MTX2: variants seen among roughly 807,000 people sequenced by gnomAD.
MTX2 encodes the protein metaxin 2.
In MTX2, 35 loss-of-function variants were observed where a neutral mutation model predicts 42.3. The observed-to-expected ratio is 0.83, with a 90% CI of 0.63 to 1.10. The LOEUF is 1.10. MTX2 is among the 50% of genes least tolerant of loss of function. MTX2 has a pLI of 0.00. For synonymous variants in MTX2, 119 were observed against 100.9 expected (o/e 1.18, Z -1.08); for missense variants, 307 against 304.1 (o/e 1.01, Z -0.07).
intron 3 of MTX2, among the ~76,000 whole-genome samples, chr2:176,302,237 TCTTA>T (rs1478385120): frequency 2.0e-5 from 3 of 151,630 alleles, no homozygotes; most frequent in Non-Finnish European, 4.4e-5. Flanking sequence ...GAACAAGTAA[TCTTA>T]CTTTGTCCTT....
At chr2:176,273,176 G>A (rs1692864861) in intron 1 of MTX2, among the ~76,000 whole-genome samples, 1 of 152,182 alleles carries the variant, frequency 6.6e-6, no homozygotes, top group African/African-American at 2.4e-5. Flanking sequence ...CATTCATGAG[G>A]GTGGAGCCCT....
chr2:176,270,514 G>T, intron 1 of MTX2: 2 of 864,090 alleles, frequency 2.3e-6, no homozygotes, highest in East Asian at 1.1e-4. Context: ...GGTACTTTGA[G>T]ATAGAGGCTA....
intron 4 of MTX2, among the ~76,000 whole-genome samples, chr2:176,324,191 G>A (rs979551190): frequency 6.6e-6 from 1 of 151,452 alleles, no homozygotes; most frequent in Non-Finnish European, 1.5e-5. Flanking sequence ...AAATTATTAA[G>A]TATAACTGAT....
intron 3 of MTX2, among the ~76,000 whole-genome samples, chr2:176,312,375 C>T (rs753670372): frequency 3.3e-5 from 5 of 152,068 alleles, no homozygotes; most frequent in African/African-American, 9.7e-5. Context: ...TGTATACTAA[C>T]GAACCATATA....
intron 1 of MTX2, among the ~76,000 whole-genome samples, chr2:176,293,913 A>G (rs955310273): frequency 3.3e-5 from 5 of 152,198 alleles, no homozygotes; most frequent in African/African-American, 1.2e-4. Flanking sequence ...TGTCTACTGC[A>G]TGATAAACTG....
At chr2:176,305,044 T>C (rs1006143442) in intron 3 of MTX2, among the ~76,000 whole-genome samples, 4 of 152,104 alleles carry the variant, frequency 2.6e-5, no homozygotes, top group Non-Finnish European at 5.9e-5. Context: ...ATTACTTTTA[T>C]ATTTTTATTG....
At chr2:176,324,193 A>G (rs1684650799) in intron 4 of MTX2, among the ~76,000 whole-genome samples, 1 of 151,640 alleles carries the variant, frequency 6.6e-6, no homozygotes, top group Non-Finnish European at 1.5e-5. Context: ...ATTATTAAGT[A>G]TAACTGATTG....
rs982945613 is a variant in MTX2 at position 176,331,108 on chromosome 2, A to G, written c.620+448A>G. Among the ~76,000 whole-genome samples, 10 of 151,236 alleles carry G rather than the reference A, an allele frequency of 6.6e-5. 1 individual carries two copies. Among genetic ancestry groups the G allele is most frequent in the Non-Finnish European group, 1.0e-4 (7 of 67,346 alleles). On this transcript the variant is annotated intron_variant, in intron 9 of 9. Coordinates refer to ENST00000249442, the MANE Select transcript of MTX2 (RefSeq NM_006554.5). Reference sequence around the variant, plus strand: ...AAATATTGTTTGATGGACAAGCACTATTATGAACTTATCTTTTAAAATGTT... The same window carrying G: ...AAATATTGTTTGATGGACAAGCACTGTTATGAACTTATCTTTTAAAATGTT...
chr2:176,326,534 T>TG (rs1379647032), intron 4 of MTX2, among the ~76,000 whole-genome samples: 10 of 151,686 alleles, frequency 6.6e-5, no homozygotes, highest in African/African-American at 2.4e-4. Context: ...TGCTGCTATA[T>TG]GGTGATATGT....
At chr2:176,329,551 C>T in intron 8 of MTX2, 125 bp downstream of exon 8, 1 of 997,070 alleles carries the variant, frequency 1.0e-6, no homozygotes, top group Non-Finnish European at 1.4e-6. Context: ...CTGTGATTTT[C>T]ACTAACATGA....
Position 176,278,727 on chromosome 2 carries a change from A to G in MTX2, c.40+9058A>G, listed in dbSNP as rs200833573. 1.4e-4 allele frequency among the ~76,000 whole-genome samples: 22 copies of G among 152,304 alleles called. No individual in the cohort carries two copies. The East Asian group carries it at 4.0e-3, about 28-fold the overall frequency. Reference sequence around the variant, plus strand: ...GTTATCAGATGGACTGAAGATATCAAATAGAGATGAGATATTGAAAATTCA... The same window carrying G: ...GTTATCAGATGGACTGAAGATATCAGATAGAGATGAGATATTGAAAATTCA... On this transcript the variant is annotated intron_variant, in intron 1 of 9. Transcript: ENST00000249442.
intron 4 of MTX2, among the ~76,000 whole-genome samples, chr2:176,325,062 A>G (rs1478506911): frequency 2.0e-5 from 3 of 151,768 alleles, no homozygotes; most frequent in Non-Finnish European, 4.4e-5. Context: ...TTTGTCACAT[A>G]TTAACTATTT....
At chr2:176,289,316 C>T (rs1693275873) in intron 1 of MTX2, among the ~76,000 whole-genome samples, 1 of 151,784 alleles carries the variant, frequency 6.6e-6, no homozygotes, top group African/African-American at 2.4e-5. Flanking sequence ...ACTTTGTTCT[C>T]CAATGTAAAT....
intron 3 of MTX2, among the ~76,000 whole-genome samples, chr2:176,313,149 A>G (rs995128338): frequency 6.6e-6 from 1 of 151,802 alleles, no homozygotes; most frequent in Admixed American, 6.6e-5. Context: ...TATTATTATG[A>G]ATGTTGTTAC....
At chr2:176,281,771 G>C (rs1008392370) in intron 1 of MTX2, among the ~76,000 whole-genome samples, 1 of 152,108 alleles carries the variant, frequency 6.6e-6, no homozygotes, top group South Asian at 2.1e-4. Context: ...GAAGGATGGG[G>C]ATAGATGGGG....
chr2:176,321,525 A>G (rs1405193899), intron 3 of MTX2, among the ~76,000 whole-genome samples: 1 of 152,138 alleles, frequency 6.6e-6, no homozygotes, highest in Admixed American at 6.6e-5. Context: ...CGGGTAATCC[A>G]GGTTTGGTGA....
chr2:176,330,651 T>C lies in MTX2; in HGVS notation c.611T>C (p.Phe204Ser), dbSNP rs770963261. The C allele has an allele frequency of 1.3e-6, 2 of 1,588,142 alleles. No homozygotes were observed. The highest frequency in any genetic ancestry group is 1.7e-6 in the Non-Finnish European group (2 of 1,163,308). Residue 204 changes from phenylalanine to serine, a missense_variant, in exon 9 of 10, where the codon TTC (phenylalanine) becomes TCC (serine). By Grantham distance (155) the Phe-to-Ser change is radical. Transcript: ENST00000249442. ...AGACTGGGAACACAACCGTATTTCT[T>C]CAATAAGCAGTAAGAAATTTTACTT... is the stretch of plus-strand genomic sequence containing the variant. ...SQRLGTQPYFFNKQPTELDAL... is the reference protein window; with the variant it reads ...SQRLGTQPYFSNKQPTELDAL...
Position 176,337,486 on chromosome 2 carries a change from C to A in MTX2, c.621-7C>A, listed in dbSNP as rs768492209. ...CTTACTCACATTACTCTCATTTCTACTTTTAGGCCTACTGAACTTGACGCA... is the reference window on the plus strand; with the variant it reads ...CTTACTCACATTACTCTCATTTCTAATTTTAGGCCTACTGAACTTGACGCA... On this transcript the variant is annotated splice_region_variant and splice_polypyrimidine_tract_variant and intron_variant, in intron 9 of 9. Transcript: ENST00000249442. The A allele has an allele frequency of 4.4e-6, 7 of 1,587,100 alleles. No homozygotes were observed. The highest frequency in any genetic ancestry group is 6.0e-6 in the Non-Finnish European group (7 of 1,166,160).
chr2:176,336,740 C>T (rs1003499993), intron 9 of MTX2, among the ~76,000 whole-genome samples: 3 of 152,070 alleles, frequency 2.0e-5, no homozygotes, highest in Admixed American at 6.6e-5. Flanking sequence ...ACTAGCAAAT[C>T]ATATTTTTTT....
Sources: allele counts gnomAD v4.1 joint callset (sites outside exome capture counted in the v4.1 genomes callset), GRCh38; gene constraint gnomAD v4.1.1; transcripts MANE v1.5; gene names NCBI Gene and HGNC (gene_info 2026-07-23, HGNC 2026-07-21).